The following CHD9 variants were observed in gnomAD, a reference collection of about 807,000 sequenced individuals.
CHD9 encodes ATP-dependent chromatin remodeler CHD9.
In CHD9, 77 loss-of-function variants were observed where a neutral mutation model predicts 316.1. That is an observed-to-expected ratio of 0.24 (90% CI 0.20 to 0.29). CHD9 has a LOEUF of 0.29. Among genes scored for constraint, CHD9 ranks in the 10% least tolerant of loss-of-function variants. CHD9 has a pLI of 1.00. For synonymous variants in CHD9, 1,129 were observed against 1,158.3 expected, an observed-to-expected ratio of 0.97 and a Z score of 0.51; for missense variants, 2,763 against 3,438.1, an observed-to-expected ratio of 0.80 and a Z score of 4.91.
chr16:53,189,763 T>G (rs368277041), intron 2 of CHD9, among the ~76,000 whole-genome samples: 1 of 152,150 alleles, frequency 6.6e-6, no homozygotes, highest in African/African-American at 2.4e-5. Context: ...CAGACTTTAG[T>G]GCATTTGTAG....
At chr16:53,123,170 A>AT (rs2038821646) in intron 1 of CHD9, among the ~76,000 whole-genome samples, 2 of 116,762 alleles carry the variant, frequency 1.7e-5, no homozygotes, top group Admixed American at 9.6e-5. Context: ...GCCTGGAATC[A>AT]CTTTTTTTTT....
At chr16:53,209,075 A>C (rs2046122921) in intron 2 of CHD9, among the ~76,000 whole-genome samples, 1 of 152,162 alleles carries the variant, frequency 6.6e-6, no homozygotes, top group African/African-American at 2.4e-5. Context: ...AACTGTATGG[A>C]GTAATTCTAA....
intron 1 of CHD9, among the ~76,000 whole-genome samples, chr16:53,134,433 T>C (rs1474681861): frequency 6.6e-6 from 1 of 152,138 alleles, no homozygotes; most frequent in African/African-American, 2.4e-5. Flanking sequence ...CCTAGCACTT[T>C]GTGCCTCTGT....
intron 1 of CHD9, among the ~76,000 whole-genome samples, chr16:53,141,314 T>A (rs1426991515): frequency 6.6e-5 from 10 of 152,172 alleles, no homozygotes; most frequent in Admixed American, 5.9e-4. Flanking sequence ...AACATTCTGG[T>A]TCCAGAGCCT....
intron 2 of CHD9, among the ~76,000 whole-genome samples, chr16:53,195,329 A>C (rs8046380): frequency 0.28 from 42,362 of 152,060 alleles, 5,997 homozygotes; most frequent in Middle Eastern, 0.32. Context: ...TATACCCAAG[A>C]TTGGAATTGT....
intron 16 of CHD9, 82 bp downstream of exon 16, chr16:53,247,585 T>C (rs1189043807): frequency 1.1e-5 from 10 of 908,544 alleles, no homozygotes; most frequent in Admixed American, 2.6e-5. Context: ...AAATGAACTT[T>C]ACTCATATCT....
At chr16:53,178,427 C>CTTTTT (rs10569589) in intron 2 of CHD9, among the ~76,000 whole-genome samples, 17 of 98,948 alleles carry the variant, frequency 1.7e-4, no homozygotes, top group East Asian at 3.0e-4. Context: ...TTGTTGGTTT[C>CTTTTT]TTTTTTTTTT....
chr16:53,107,462 A>AATAAAATAAG (rs1463541570), intron 1 of CHD9, among the ~76,000 whole-genome samples: 1 of 138,956 alleles, frequency 7.2e-6, no homozygotes, highest in African/African-American at 2.6e-5. Context: ...TCCATCTCAA[A>AATAAAATAAG]ATAAAATAAA....
At chr16:53,069,928 T>C (rs2033861247) in intron 1 of CHD9, among the ~76,000 whole-genome samples, 1 of 151,878 alleles carries the variant, frequency 6.6e-6, no homozygotes, top group African/African-American at 2.4e-5. Flanking sequence ...GTGTGGTTTT[T>C]TTTGATCATA....
At chr16:53,260,541 C>T (rs1192628240) in intron 19 of CHD9, among the ~76,000 whole-genome samples, 1 of 152,034 alleles carries the variant, frequency 6.6e-6, no homozygotes, top group Non-Finnish European at 1.5e-5. Context: ...GTGTCTGATG[C>T]TATTTCCTGT....
chr16:53,247,301 G>A lies in CHD9; in HGVS notation c.3463G>A (p.Glu1155Lys). Residue 1155 changes from glutamate to lysine, a missense_variant, in exon 16 of 39, where the codon GAG becomes AAG. Glu to Lys is a moderately conservative substitution (Grantham distance 56, BLOSUM62 1). This residue lies in a region of CHD9 where 155 missense variants were observed against 291.8 expected (regional missense o/e 0.53). Transcript: ENST00000447540. Reference protein sequence around the residue: ...NHPYLIKGAEEKILGEFRDTY... With the variant: ...NHPYLIKGAEKKILGEFRDTY... ...TCCTATTTCTTTGACAGGTGCTGAG[G>A]AGAAAATACTTGGAGAATTTAGAGA... The A allele has an allele frequency of 1.3e-6, 2 of 1,595,150 alleles. No homozygotes were observed. The highest frequency in any genetic ancestry group is 8.6e-7 in the Non-Finnish European group (1 of 1,169,250).
intron 1 of CHD9, among the ~76,000 whole-genome samples, chr16:53,094,162 T>C (rs1194409818): frequency 6.6e-6 from 1 of 152,124 alleles, no homozygotes. Context: ...GGAGAGAAGG[T>C]GTCTAGGCCT....
intron 8 of CHD9, among the ~76,000 whole-genome samples, chr16:53,230,264 G>T (rs1404136095): frequency 6.6e-6 from 1 of 152,104 alleles, no homozygotes; most frequent in Non-Finnish European, 1.5e-5. Context: ...GATTAAGGTG[G>T]TATCTGCCAG....
chr16:53,271,971 AGAAG>A (rs767828925), intron 22 of CHD9, among the ~76,000 whole-genome samples: 204 of 152,300 alleles, frequency 1.3e-3, no homozygotes, highest in Non-Finnish European at 2.4e-3. Context: ...AAACAAAGAA[AGAAG>A]GAAGGTATGA....
At position 53,297,110 on chromosome 16, in the gene CHD9, G is replaced by A. The variant is rs563054232; in HGVS notation, c.5665G>A (p.Ala1889Thr). 38 of 1,613,748 alleles carry A rather than the reference G, an allele frequency of 2.4e-5. No individual in the cohort carries two copies. Among genetic ancestry groups the A allele is most frequent in the South Asian group, 2.2e-4 (20 of 91,074 alleles). The change falls in exon 30 of 39, where the codon GCA (alanine) becomes ACA (threonine). Residue 1889 changes from alanine to threonine, a missense_variant. Coordinates refer to ENST00000447540, the MANE Select transcript of CHD9 (RefSeq NM_001308319.2). ...TDDSLEKYLY[A>T]FMSMCRRVCR... Reference sequence around the variant, plus strand: ...TGATAGTTTGGAAAAATATTTGTACGCATTCATGTCCATGTGTCGGAGGGT... The same window carrying A: ...TGATAGTTTGGAAAAATATTTGTACACATTCATGTCCATGTGTCGGAGGGT...
intron 1 of CHD9, among the ~76,000 whole-genome samples, chr16:53,136,885 A>G (rs137899638): frequency 2.0e-5 from 3 of 152,152 alleles, no homozygotes; most frequent in East Asian, 3.9e-4. Context: ...TAAAAACCAT[A>G]GATTAGGTCT....
intron 37 of CHD9, 137 bp from the exon 38 acceptor site, chr16:53,321,384 TTAATA>T: frequency 7.2e-7 from 1 of 1,388,000 alleles, no homozygotes; most frequent in South Asian, 1.8e-5. Flanking sequence ...GTGGGCCTTT[TTAATA>T]TAATCATAAA....
intron 24 of CHD9, among the ~76,000 whole-genome samples, chr16:53,280,557 C>T (rs1359282725): frequency 2.6e-5 from 4 of 151,898 alleles, no homozygotes; most frequent in African/African-American, 9.7e-5. Context: ...TAAAAGACTA[C>T]AAATTGGGTG....
chr16:53,195,076 A>G (rs2044783741), intron 2 of CHD9, among the ~76,000 whole-genome samples: 1 of 152,216 alleles, frequency 6.6e-6, no homozygotes, highest in Admixed American at 6.5e-5. Context: ...TTGAAGTATA[A>G]TGTACATACA....
Sources: allele counts gnomAD v4.1 joint callset (sites outside exome capture counted in the v4.1 genomes callset), GRCh38; gene constraint gnomAD v4.1.1; regional missense constraint gnomAD v4.1.1; transcripts MANE v1.5; gene names NCBI Gene and HGNC (gene_info 2026-07-23, HGNC 2026-07-21).